Variants in JHY observed in about 807,000 individuals in gnomAD.
JHY encodes the protein junctional cadherin complex regulator.
JHY carries 69 observed loss-of-function variants against 78.0 expected under a neutral mutation model. That is an observed-to-expected ratio of 0.88 (90% confidence interval 0.73 to 1.08). The LOEUF (loss-of-function observed/expected upper bound fraction) is 1.08. JHY is among the 50% of genes least tolerant of loss of function. The probability of loss-of-function intolerance (pLI) is 0.00; values close to 1 mark genes in which losing one functional copy is unlikely to be tolerated. For synonymous variants in JHY, 368 were observed against 342.6 expected, an observed-to-expected ratio of 1.07 and a Z score of -0.82; for missense variants, 944 against 927.8, an observed-to-expected ratio of 1.02 and a Z score of -0.23.
In JHY at chr11:122,961,291, G is replaced by C. The variant is rs919647034; in HGVS notation, c.*1846G>C. Among the ~76,000 whole-genome samples, 1 of 150,266 alleles carries C rather than the reference G, an allele frequency of 6.7e-6. No homozygotes were observed. Among genetic ancestry groups the C allele is most frequent in the Non-Finnish European group, 1.5e-5 (1 of 67,504 alleles). ...CCCATCCTTCTTACTCAGCATTTGA[G>C]TTGTTCCATGATCATTTTTTTATTG... On this transcript the variant is annotated 3_prime_UTR_variant, in exon 9 of 9. Transcript: ENST00000227349.
chr11:122,927,317 AT>A (rs1863528603), intron 4 of JHY: 2 of 152,224 alleles, frequency 1.3e-5, no homozygotes, highest in Non-Finnish European at 2.9e-5. Context: ...GTGTACTGTA[AT>A]TAATGCTCTT....
chr11:122,910,037 T>TGGGGAGTAA (rs1863079384), intron 3 of JHY, among the ~76,000 whole-genome samples: 1 of 152,124 alleles, frequency 6.6e-6, no homozygotes, highest in Non-Finnish European at 1.5e-5. Flanking sequence ...ATCTGTCATT[T>TGGGGAGTAA]GGGGAGTAAA....
At chr11:122,888,008 TTTTC>T (rs1265668892) in intron 2 of JHY, among the ~76,000 whole-genome samples, 1 of 150,794 alleles carries the variant, frequency 6.6e-6, no homozygotes, top group Non-Finnish European at 1.5e-5. Flanking sequence ...GTCCTGAGTC[TTTTC>T]TTTCTTTCTT....
chr11:122,945,461 A>C (rs1282954592), intron 5 of JHY, among the ~76,000 whole-genome samples: 1 of 152,140 alleles, frequency 6.6e-6, no homozygotes, highest in African/African-American at 2.4e-5. Context: ...TAATATCTCT[A>C]TCATCTGAAG....
Position 122,898,280 on chromosome 11 carries a change from A to G in JHY, c.345-5645A>G, listed in dbSNP as rs552347636. On this transcript the variant is annotated intron_variant, in intron 2 of 8. Transcript: ENST00000227349. This position sits in a 1 kb window ranked among gnomAD's most constrained non-coding sequence, Gnocchi z 4.4. ...CCGACTGATCCATTCGCTGATTCAC[A>G]TAAGGCAGACACTGCAACCTACTTT... is the stretch of plus-strand genomic sequence containing the variant. Among the ~76,000 whole-genome samples the G allele has an allele frequency of 8.5e-5, 13 of 152,248 alleles. No individual in the cohort carries two copies. In the South Asian group the frequency reaches 2.7e-3, roughly 32 times the overall value.
In JHY at chr11:122,962,235, A is replaced by G. The variant is rs1392079616; in HGVS notation, c.*2790A>G. ...ACATTTTTAGATAGGCATATCCAGA[A>G]GTGGATAATTTGAACATCAATTTGG... On this transcript the variant is annotated 3_prime_UTR_variant, in exon 9 of 9. Coordinates refer to ENST00000227349, the MANE Select transcript of JHY (RefSeq NM_024806.4). Among the ~76,000 whole-genome samples the G allele has an allele frequency of 6.6e-6, 1 of 152,236 alleles. No individual in the cohort carries two copies. The highest frequency in any genetic ancestry group is 2.4e-5 in the African/African-American group (1 of 41,462).
chr11:122,889,529 G>T (rs1862565937), intron 2 of JHY, among the ~76,000 whole-genome samples: 1 of 152,110 alleles, frequency 6.6e-6, no homozygotes, highest in Admixed American at 6.5e-5. Context: ...TATATAGGAG[G>T]ACATGCAGGG....
At chr11:122,894,422 G>C (rs1480978050) in intron 2 of JHY, among the ~76,000 whole-genome samples, 1 of 152,066 alleles carries the variant, frequency 6.6e-6, no homozygotes, top group Non-Finnish European at 1.5e-5. Context: ...ATAAATCTAG[G>C]TCTCTGTCTC....
chr11:122,910,630 C>A (rs969752388), intron 3 of JHY, among the ~76,000 whole-genome samples: 2 of 152,132 alleles, frequency 1.3e-5, no homozygotes, highest in African/African-American at 2.4e-5. Flanking sequence ...CTTTTCAAAT[C>A]TCTTAATTTT....
intron 4 of JHY, among the ~76,000 whole-genome samples, 153 bp from the exon 5 acceptor site, chr11:122,934,267 G>C (rs1863696744): frequency 6.6e-6 from 1 of 151,944 alleles, no homozygotes; most frequent in Admixed American, 6.6e-5. Context: ...AGTGAGCCCA[G>C]ATCGTGCCAC....
chr11:122,962,641 G>A lies in JHY; in HGVS notation c.*3196G>A, dbSNP rs535461722. On this transcript the variant is annotated 3_prime_UTR_variant, in exon 9 of 9. Coordinates refer to ENST00000227349, the MANE Select transcript of JHY (RefSeq NM_024806.4). ...TTGTTTCCGAAATGGCCTTAAATTC[G>A]AACTTAATTTGGAAGAGAAAAAGAA... Among the ~76,000 whole-genome samples the A allele has an allele frequency of 6.6e-6, 1 of 152,116 alleles. No individual in the cohort carries two copies. Among genetic ancestry groups the A allele is most frequent in the South Asian group, 2.1e-4 (1 of 4,830 alleles).
At chr11:122,942,772 CT>C (rs1316060140) in intron 5 of JHY, among the ~76,000 whole-genome samples, 2 of 152,164 alleles carry the variant, frequency 1.3e-5, no homozygotes, top group Non-Finnish European at 2.9e-5. Flanking sequence ...AGGCTTTCTC[CT>C]TTTCCAATAT....
chr11:122,905,976 A>T (rs930419886), intron 3 of JHY: 1 of 152,150 alleles, frequency 6.6e-6, no homozygotes, highest in Non-Finnish European at 1.5e-5. Flanking sequence ...GAATTATGTC[A>T]CATCTTTGCC....
intron 7 of JHY, 64 bp downstream of exon 7, chr11:122,956,640 T>C (rs1181907979): frequency 1.5e-6 from 2 of 1,353,310 alleles, no homozygotes; most frequent in South Asian, 1.2e-5. Flanking sequence ...TTAGGAAACT[T>C]TATGAAGACG....
At chr11:122,958,708 A>G in intron 8 of JHY, 2 of 983,144 alleles carry the variant, frequency 2.0e-6, no homozygotes, top group Non-Finnish European at 2.4e-6. Context: ...GACATCACTG[A>G]GAAAAAGACT....
chr11:122,892,026 T>C (rs1429668720), intron 2 of JHY, among the ~76,000 whole-genome samples: 3 of 152,248 alleles, frequency 2.0e-5, no homozygotes, highest in Admixed American at 6.5e-5. Flanking sequence ...TAGAGGATAC[T>C]GTGACCTCAG....
At position 122,960,996 on chromosome 11, in the gene JHY, A is replaced by G; in HGVS notation, c.*1551A>G. On this transcript the variant is annotated 3_prime_UTR_variant, in exon 9 of 9. Transcript: ENST00000227349. The stretch of plus-strand genomic sequence containing the variant: ...GCACATGATAAATTGGGTGCAGAGC[A>G]TCTCTGCACAACAGGAAAAGGAGAC... The G allele has an allele frequency of 1.1e-6, 1 of 874,142 alleles. No individual in the cohort carries two copies. The highest frequency in any genetic ancestry group is 1.3e-5 in the South Asian group (1 of 76,490). 54.1% of individuals were successfully genotyped at this position (874,142 alleles called of 1,614,324 possible).
chr11:122,957,399 C>A lies in JHY; in HGVS notation c.2047C>A (p.Gln683Lys), dbSNP rs2135385113. 6.5e-7 allele frequency: 1 copy of A among 1,532,854 alleles called. No homozygotes were observed. Among genetic ancestry groups the A allele is most frequent in the African/African-American group, 1.5e-5 (1 of 68,946 alleles). The allele number at this position is 1,532,854 out of a possible 1,614,324, so 95.0% of individuals were successfully genotyped here. A position where few individuals can be genotyped will look rare whatever the true frequency, so the allele number is the denominator to read the frequency against. Reference protein sequence around the residue: ...KLIQQKEYAKQVKEYNMKTLS... With the variant: ...KLIQQKEYAKKVKEYNMKTLS... ...AATACAGCAAAAGGAATATGCAAAA[C>A]AAGTCAAGGAGTACAACATGAAGAC... Residue 683 changes from glutamine (Q) to lysine (K), a missense_variant, in exon 8 of 9, where the codon CAA becomes AAA. By Grantham distance (53) the Gln-to-Lys change is moderately conservative (BLOSUM62 1). Coordinates refer to ENST00000227349, the MANE Select transcript of JHY (RefSeq NM_024806.4).
At position 122,934,742 on chromosome 11, in the gene JHY, A is replaced by G. The variant is rs996179820; in HGVS notation, c.1301A>G (p.Asn434Ser). 10 of 1,614,186 alleles carry G rather than the reference A, an allele frequency of 6.2e-6. No individual in the cohort carries two copies. The highest frequency in any genetic ancestry group is 1.6e-4 in the Middle Eastern group (1 of 6,062). The part of the protein sequence containing the change: ...VQASRALRSH[N>S]LKETSNTFAP... ...GCCTCAAGGGCACTTAGAAGCCACA[A>G]TCTCAAAGAAACCTCCAATACATTT... The change falls in exon 5 of 9, where the codon AAT becomes AGT. Residue 434 changes from asparagine (N) to serine (S), a missense_variant. Transcript: ENST00000227349.
Sources: allele counts gnomAD v4.1 joint callset (sites outside exome capture counted in the v4.1 genomes callset), GRCh38; gene constraint gnomAD v4.1.1; non-coding constraint Gnocchi (gnomAD v3.1); transcripts MANE v1.5; gene names NCBI Gene and HGNC (gene_info 2026-07-23, HGNC 2026-07-21).